The following TM4SF5 variants were observed in gnomAD, a reference collection of about 807,000 sequenced individuals.
TM4SF5 encodes the protein transmembrane 4 L six family member 5.
Under a neutral mutation model 22.3 loss-of-function variants are expected in TM4SF5, and 16 were observed. The ratio of observed to expected loss-of-function variants is 0.72; its 90% CI spans 0.49 to 1.09. The LOEUF (loss-of-function observed/expected upper bound fraction) is 1.09. Among genes scored for constraint, TM4SF5 ranks in the 50% least tolerant of loss-of-function variants. TM4SF5 has a pLI of 0.00. For missense variants in TM4SF5, 249 were observed against 266.1 expected, an observed-to-expected ratio of 0.94 and a Z score of 0.45; for synonymous variants, 113 against 109.6, an observed-to-expected ratio of 1.03 and a Z score of -0.19.
chr17:4,776,098 C>G (rs556434806), intron 1 of TM4SF5, among the ~76,000 whole-genome samples: 5 of 152,192 alleles, frequency 3.3e-5, no homozygotes, highest in African/African-American at 9.6e-5. Flanking sequence ...ATCCACCCAC[C>G]TCGGCCTCCC....
At chr17:4,780,958 C>G (rs1053360937) in intron 2 of TM4SF5, 89 bp downstream of exon 2, 54 of 1,125,546 alleles carry the variant, frequency 4.8e-5, no homozygotes, top group Non-Finnish European at 6.8e-5. Flanking sequence ...GGTGGGAGTA[C>G]GGCTTGAGCC....
At chr17:4,777,169 C>T (rs58949596) in intron 1 of TM4SF5, among the ~76,000 whole-genome samples, 20,160 of 150,008 alleles carry the variant, frequency 0.13, 1,538 homozygotes, top group Admixed American at 0.18. Context: ...TGCAATCCAG[C>T]CTGGGTGACA....
chr17:4,778,839 C>T (rs930047972), intron 1 of TM4SF5, among the ~76,000 whole-genome samples: 3 of 151,970 alleles, frequency 2.0e-5, no homozygotes, highest in African/African-American at 7.2e-5. Flanking sequence ...AGGCGGATCA[C>T]GAGGTCAGGA....
Position 4,778,328 on chromosome 17 carries a change from T to G in TM4SF5, c.178-2461T>G, listed in dbSNP as rs117855041. ...GATGGTATGTGCCAGATAAGACACA[T>G]GAGGAGCCAGGCACAGTGGCTCATG... On this transcript the variant is annotated intron_variant, in intron 1 of 4. Transcript: ENST00000270560. Among the ~76,000 whole-genome samples, 99 of 151,560 alleles carry G rather than the reference T, an allele frequency of 6.5e-4. No homozygotes were observed. The East Asian group carries it at 0.019, about 29-fold the overall frequency.
chr17:4,777,613 G>A (rs954049223), intron 1 of TM4SF5, among the ~76,000 whole-genome samples: 7 of 151,760 alleles, frequency 4.6e-5, no homozygotes, highest in African/African-American at 9.7e-5. Context: ...GGCCAGGTGC[G>A]GTGGCTCACA....
chr17:4,775,918 C>T (rs1330688824), intron 1 of TM4SF5, among the ~76,000 whole-genome samples: 2 of 152,130 alleles, frequency 1.3e-5, no homozygotes, highest in African/African-American at 4.8e-5. Context: ...TATCTCAGCT[C>T]ACTGCAACCT....
intron 1 of TM4SF5, 32 bp from the exon 2 acceptor site, chr17:4,780,757 G>T (rs1282703910): frequency 1.3e-6 from 2 of 1,581,642 alleles, no homozygotes; most frequent in Non-Finnish European, 1.7e-6. Context: ...GATCTGGGGG[G>T]ACGTGCTATA....
chr17:4,780,969 A>G, intron 2 of TM4SF5, 100 bp downstream of exon 2: 2 of 994,322 alleles, frequency 2.0e-6, no homozygotes, highest in Non-Finnish European at 3.1e-6. Flanking sequence ...GGCTTGAGCC[A>G]GGAGTTCTAG....
intron 3 of TM4SF5, 68 bp from the exon 4 acceptor site, chr17:4,782,786 G>A (rs1211949509): frequency 4.4e-6 from 7 of 1,574,038 alleles, no homozygotes; most frequent in Non-Finnish European, 2.6e-6. Context: ...CCCCTGGGAC[G>A]TATTCTTGGG....
In TM4SF5 at chr17:4,772,091, G is replaced by A; in HGVS notation, c.169G>A (p.Gly57Ser). The A allele has an allele frequency of 6.2e-7, 1 of 1,614,206 alleles. No individual in the cohort carries two copies. The highest frequency in any genetic ancestry group is 8.5e-7 in the Non-Finnish European group (1 of 1,180,044). Residue 57 changes from glycine (G) to serine (S), a missense_variant, in exon 1 of 5, where the codon GGC (glycine) becomes AGC (serine). By Grantham distance (56) the Gly-to-Ser change is moderately conservative. Transcript: ENST00000270560. The stretch of plus-strand genomic sequence containing the variant: ...GCTCATGGGCGGCTTCATTGGCGGG[G>A]GCCTAATGGTGAGAAGGCTGGCAGG... ...VWLMGGFIGG[G>S]LMVLCPGIAA...
intron 1 of TM4SF5, among the ~76,000 whole-genome samples, chr17:4,774,767 C>T (rs186704049): frequency 6.6e-6 from 1 of 151,940 alleles, no homozygotes; most frequent in Non-Finnish European, 1.5e-5. Context: ...ATTAGCCAGG[C>T]GTGGTGGCGC....
chr17:4,781,135 TAA>T (rs541886050), intron 2 of TM4SF5, among the ~76,000 whole-genome samples: 16 of 125,174 alleles, frequency 1.3e-4, no homozygotes, highest in East Asian at 3.0e-4. Flanking sequence ...AGCAGTGATT[TAA>T]AAAAAAAAAA....
chr17:4,779,934 G>C (rs575841325), intron 1 of TM4SF5, among the ~76,000 whole-genome samples: 1 of 151,970 alleles, frequency 6.6e-6, no homozygotes, highest in East Asian at 1.9e-4. Flanking sequence ...CTCCATATCA[G>C]ACCATCCACT....
Position 4,783,003 on chromosome 17 carries a change from T to C in TM4SF5, c.545T>C (p.Ile182Thr). Residue 182 changes from isoleucine to threonine, a missense_variant, in exon 4 of 5, where the codon ATT becomes ACT. Coordinates refer to ENST00000270560, the MANE Select transcript of TM4SF5 (RefSeq NM_003963.3). ...GGGATCCAGCTGGTGAACGCGACCA[T>C]TGGTGTCTTCTGCGGCGATTGCAGG... ...LCGIQLVNAT[I>T]GVFCGDCRKK... 5.0e-6 allele frequency: 8 copies of C among 1,614,136 alleles called. No homozygotes were observed. Among genetic ancestry groups the C allele is most frequent in the Non-Finnish European group, 6.8e-6 (8 of 1,180,018 alleles).
In TM4SF5 at chr17:4,783,028, G is replaced by GA. The variant is rs758396747; in HGVS notation, c.576dup (p.Gln193ThrfsTer10). 3.1e-6 allele frequency: 5 copies of GA among 1,614,078 alleles called. No homozygotes were observed. Among genetic ancestry groups the GA allele is most frequent in the Non-Finnish European group, 4.2e-6 (5 of 1,179,948 alleles). On this transcript the variant is annotated frameshift_variant, in exon 4 of 5. Transcript: ENST00000270560. LOFTEE classifies it high-confidence loss of function. ...TTGGTGTCTTCTGCGGCGATTGCAG[G>GA]AAAAAACAGGTGAAATTTCTTGCGG...
intron 3 of TM4SF5, 65 bp from the exon 4 acceptor site, chr17:4,782,789 T>A: frequency 6.3e-7 from 1 of 1,577,252 alleles, no homozygotes; most frequent in Non-Finnish European, 8.6e-7. Flanking sequence ...CTGGGACGTA[T>A]TCTTGGGGGC....
intron 1 of TM4SF5, 110 bp downstream of exon 1, chr17:4,772,209 G>A: frequency 7.2e-7 from 1 of 1,381,098 alleles, no homozygotes; most frequent in Non-Finnish European, 1.0e-6. Context: ...GGGAGAGGAT[G>A]GCAATGGCTT....
chr17:4,780,771 A>C lies in TM4SF5; in HGVS notation c.178-18A>C. ...GGATCTGGGGGGACGTGCTATAACA[A>C]TGACTCTTGTCCCACAGGTACTGTG... On this transcript the variant is annotated intron_variant, in intron 1 of 4. Transcript: ENST00000270560. 1 of 1,602,262 alleles carries C rather than the reference A, an allele frequency of 6.2e-7. No individual in the cohort carries two copies. The highest frequency in any genetic ancestry group is 8.5e-7 in the Non-Finnish European group (1 of 1,174,028).
chr17:4,780,445 C>T (rs1177725840), intron 1 of TM4SF5, among the ~76,000 whole-genome samples: 5 of 152,240 alleles, frequency 3.3e-5, no homozygotes, highest in African/African-American at 1.2e-4. Flanking sequence ...CCATTTTATA[C>T]AGGCAAAACT....
Sources: allele counts gnomAD v4.1 joint callset (sites outside exome capture counted in the v4.1 genomes callset), GRCh38; gene constraint gnomAD v4.1.1; transcripts MANE v1.5; gene names NCBI Gene and HGNC (gene_info 2026-07-23, HGNC 2026-07-21).